The following ASIC2 variants were observed in gnomAD, a reference collection of about 807,000 sequenced individuals.
The protein encoded by ASIC2 is acid-sensing ion channel 2.
Under a neutral mutation model 57.3 loss-of-function variants are expected in ASIC2, and 25 were observed. The ratio of observed to expected loss-of-function variants is 0.44; its 90% CI spans 0.32 to 0.61. The LOEUF (loss-of-function observed/expected upper bound fraction) is 0.61. Ranked by LOEUF, ASIC2 falls within the 20% of genes least tolerant of loss-of-function variation. The pLI, the probability that ASIC2 is intolerant of heterozygous loss-of-function variation, is 0.06. For missense variants in ASIC2, 641 were observed against 738.1 expected (o/e 0.87, Z 1.52); for synonymous variants, 319 against 307.5 (o/e 1.04, Z -0.39).
intron 3 of ASIC2, among the ~76,000 whole-genome samples, chr17:33,044,993 A>T (rs1347405564): frequency 6.6e-6 from 1 of 152,016 alleles, no homozygotes; most frequent in Admixed American, 6.6e-5. Flanking sequence ...ATGTGCAGAG[A>T]TACAGAGGTA....
chr17:33,342,323 CAT>C (rs1491238313), intron 1 of ASIC2, among the ~76,000 whole-genome samples: 8 of 90,456 alleles, frequency 8.8e-5, no homozygotes, highest in Admixed American at 2.1e-4. Flanking sequence ...TGTGTGTGTA[CAT>C]GTGTGTGTGT....
chr17:33,813,169 A>G (rs1912474880), intron 1 of ASIC2, among the ~76,000 whole-genome samples: 1 of 152,114 alleles, frequency 6.6e-6, no homozygotes, highest in Admixed American at 6.5e-5. Context: ...TAGAAATTAG[A>G]TTGGTAAACA....
At chr17:34,119,654 A>G (rs1911541159) in intron 1 of ASIC2, among the ~76,000 whole-genome samples, 1 of 150,084 alleles carries the variant, frequency 6.7e-6, no homozygotes, top group Admixed American at 6.6e-5. Context: ...CACACACACA[A>G]CCAGCCCTGG....
intron 1 of ASIC2, among the ~76,000 whole-genome samples, chr17:33,359,575 A>G (rs552281910): frequency 3.8e-4 from 58 of 152,332 alleles, no homozygotes; most frequent in African/African-American, 4.3e-4. Flanking sequence ...AGGGCTCAAG[A>G]GGTACCTAGA....
intron 1 of ASIC2, among the ~76,000 whole-genome samples, chr17:33,161,401 T>C (rs559757831): frequency 6.6e-6 from 1 of 152,336 alleles, no homozygotes; most frequent in East Asian, 1.9e-4. Context: ...TGCATGCATG[T>C]CTGCTTAATA....
intron 1 of ASIC2, among the ~76,000 whole-genome samples, chr17:33,411,597 C>T (rs921903862): frequency 2.6e-5 from 4 of 152,206 alleles, no homozygotes; most frequent in South Asian, 2.1e-4. Context: ...CATCTATCTG[C>T]TCCAGTGGGG....
chr17:33,304,483 C>T (rs1000515885), intron 1 of ASIC2, among the ~76,000 whole-genome samples: 35 of 152,216 alleles, frequency 2.3e-4, no homozygotes, highest in African/African-American at 8.2e-4. Flanking sequence ...ACTGCATCCT[C>T]GGACCTTTTG....
chr17:33,471,421 G>A (rs1371826092), intron 1 of ASIC2, among the ~76,000 whole-genome samples: 1 of 151,912 alleles, frequency 6.6e-6, no homozygotes, highest in East Asian at 1.9e-4. Context: ...TTCTTTTTTT[G>A]AGTCAAATCA....
At chr17:34,083,903 T>C (rs566846968) in intron 1 of ASIC2, among the ~76,000 whole-genome samples, 56 of 152,348 alleles carry the variant, frequency 3.7e-4, no homozygotes, top group African/African-American at 1.3e-3. Flanking sequence ...TTTGAGTTCA[T>C]TGTGGATTCT....
chr17:33,132,405 A>C (rs1046880629), intron 1 of ASIC2, among the ~76,000 whole-genome samples: 1 of 152,146 alleles, frequency 6.6e-6, no homozygotes, highest in South Asian at 2.1e-4. Context: ...GTAGGTCCCC[A>C]AGGGTCCCTG....
At chr17:33,726,939 A>G (rs1374805940) in intron 1 of ASIC2, among the ~76,000 whole-genome samples, 2 of 152,194 alleles carry the variant, frequency 1.3e-5, no homozygotes, top group Non-Finnish European at 2.9e-5. Context: ...ATAAGTAAAT[A>G]TTACATCTTG....
rs555025035 is a variant in ASIC2, at chr17:33,993,610, T to C, written c.555+162368A>G. On this transcript the variant is annotated intron_variant, in intron 1 of 9. Coordinates refer to the ASIC2 transcript ENST00000359872. ...CTCTAGAATTCATAGCTGTGAAAAT[T>C]TGGCAAGCCACTTAGCTTCTCTGAG... Among the ~76,000 whole-genome samples, 5 of 152,312 alleles carry C rather than the reference T, an allele frequency of 3.3e-5. 1 individual carries two copies. The highest frequency in any genetic ancestry group is 2.6e-4 in the Admixed American group (4 of 15,296).
chr17:33,155,589 C>A (rs1163497242), intron 1 of ASIC2, among the ~76,000 whole-genome samples: 2 of 123,360 alleles, frequency 1.6e-5, no homozygotes, highest in African/African-American at 6.4e-5. Context: ...GAGACGATGT[C>A]TAGCTCTGTC....
intron 3 of ASIC2, among the ~76,000 whole-genome samples, chr17:33,063,222 T>G (rs1309395040): frequency 6.6e-6 from 1 of 152,230 alleles, no homozygotes; most frequent in African/African-American, 2.4e-5. Flanking sequence ...AGCTGCTTAT[T>G]TTGCTCATTA....
chr17:33,371,287 C>T (rs1367419012), intron 1 of ASIC2, among the ~76,000 whole-genome samples: 1 of 152,190 alleles, frequency 6.6e-6, no homozygotes, highest in African/African-American at 2.4e-5. Flanking sequence ...TGTAGCCCAG[C>T]AAGTCCCAGC....
intron 1 of ASIC2, among the ~76,000 whole-genome samples, chr17:33,981,124 T>C (rs1452208705): frequency 2.0e-5 from 3 of 151,918 alleles, no homozygotes; most frequent in Admixed American, 2.0e-4. Flanking sequence ...TCATTTTTTT[T>C]GTATTTTAGT....
chr17:33,705,180 A>G (rs1908826613), intron 1 of ASIC2, among the ~76,000 whole-genome samples: 1 of 152,218 alleles, frequency 6.6e-6, no homozygotes, highest in African/African-American at 2.4e-5. Flanking sequence ...TACATGAGTA[A>G]TGTATGTTCA....
intron 1 of ASIC2, among the ~76,000 whole-genome samples, chr17:33,260,694 G>A (rs556872995): frequency 2.6e-5 from 4 of 152,208 alleles, no homozygotes; most frequent in South Asian, 2.1e-4. Flanking sequence ...CAGAGATGCC[G>A]TGATAGTCAC....
At chr17:33,036,787 T>C (rs2091910347) in intron 3 of ASIC2, among the ~76,000 whole-genome samples, 1 of 152,150 alleles carries the variant, frequency 6.6e-6, no homozygotes, top group African/African-American at 2.4e-5. Context: ...CCTCTTTCTT[T>C]TCAGTTTGTG....
Sources: allele counts gnomAD v4.1 joint callset (sites outside exome capture counted in the v4.1 genomes callset), GRCh38; gene constraint gnomAD v4.1.1; transcripts MANE v1.5; gene names NCBI Gene and HGNC (gene_info 2026-07-23, HGNC 2026-07-21).